ZNF804B: variants seen among roughly 807,000 people sequenced by gnomAD.
ZNF804B encodes zinc finger protein 804B.
Under a neutral mutation model 101.4 loss-of-function variants are expected in ZNF804B, and 80 were observed. That is an observed-to-expected ratio of 0.79 (90% confidence interval 0.66 to 0.95). ZNF804B has a LOEUF of 0.95. Ranked by LOEUF, ZNF804B falls within the 40% of genes least tolerant of loss-of-function variation. The pLI is 0.00. For missense variants in ZNF804B, 1,673 were observed against 1,561.9 expected (o/e 1.07, Z -1.20); for synonymous variants, 622 against 558.8 (o/e 1.11, Z -1.59).
At chr7:88,761,790 T>A (rs2718301) in intron 1 of ZNF804B, among the ~76,000 whole-genome samples, 25,300 of 152,098 alleles carry the variant, frequency 0.17, 2,191 homozygotes, top group African/African-American at 0.23. Context: ...CACGGTTTAG[T>A]TCTATTCAAG....
At chr7:89,178,413 T>C (rs1297882964) in intron 1 of ZNF804B, among the ~76,000 whole-genome samples, 1 of 152,096 alleles carries the variant, frequency 6.6e-6, no homozygotes, top group Non-Finnish European at 1.5e-5. Flanking sequence ...TTTTATTTTT[T>C]GTGTATCTGT....
chr7:88,990,383 C>T (rs1584057561), intron 1 of ZNF804B, among the ~76,000 whole-genome samples: 1 of 152,162 alleles, frequency 6.6e-6, no homozygotes, highest in East Asian at 1.9e-4. Flanking sequence ...CACACACATA[C>T]TTTCTCTCTC....
chr7:89,184,139 G>A (rs1260943774), intron 1 of ZNF804B, among the ~76,000 whole-genome samples: 1 of 152,124 alleles, frequency 6.6e-6, no homozygotes, highest in South Asian at 2.1e-4. Context: ...GCCTACTTGA[G>A]CATTGACACT....
At chr7:89,215,417 A>G (rs896927872) in intron 1 of ZNF804B, among the ~76,000 whole-genome samples, 13 of 152,150 alleles carry the variant, frequency 8.5e-5, no homozygotes, top group Non-Finnish European at 1.8e-4. Flanking sequence ...AATCACCTAC[A>G]TAATCTGAAA....
At chr7:89,232,936 T>A (rs1789218381) in intron 2 of ZNF804B, among the ~76,000 whole-genome samples, 1 of 152,208 alleles carries the variant, frequency 6.6e-6, no homozygotes, top group African/African-American at 2.4e-5. Flanking sequence ...ATTAATTTAT[T>A]TTTGAGATGG....
At chr7:89,122,274 C>T (rs1258730548) in intron 1 of ZNF804B, among the ~76,000 whole-genome samples, 1 of 152,090 alleles carries the variant, frequency 6.6e-6, no homozygotes, top group Non-Finnish European at 1.5e-5. Context: ...GTCACATTAG[C>T]CATGTTTCAC....
chr7:88,891,821 T>G (rs993534255), intron 1 of ZNF804B, among the ~76,000 whole-genome samples: 1 of 152,100 alleles, frequency 6.6e-6, no homozygotes, highest in Admixed American at 6.6e-5. Flanking sequence ...ACATGTGCCA[T>G]GTTGGTGTGC....
intron 1 of ZNF804B, among the ~76,000 whole-genome samples, chr7:88,996,299 T>G (rs1199871545): frequency 6.6e-6 from 1 of 152,136 alleles, no homozygotes; most frequent in Non-Finnish European, 1.5e-5. Flanking sequence ...TATATATTTC[T>G]GCCTAAAATA....
chr7:88,859,977 A>G (rs546536837), intron 1 of ZNF804B, among the ~76,000 whole-genome samples: 11 of 151,946 alleles, frequency 7.2e-5, no homozygotes, highest in South Asian at 2.1e-4. Flanking sequence ...TCAATATTTT[A>G]TAAATATTTT....
intron 1 of ZNF804B, among the ~76,000 whole-genome samples, chr7:89,123,002 G>A (rs1042604955): frequency 9.2e-5 from 14 of 152,022 alleles, no homozygotes; most frequent in African/African-American, 3.1e-4. Flanking sequence ...ATCCCTGACC[G>A]AACCCTATGG....
chr7:88,989,833 C>G (rs1488323582), intron 1 of ZNF804B, among the ~76,000 whole-genome samples: 2 of 151,782 alleles, frequency 1.3e-5, no homozygotes, highest in Non-Finnish European at 2.9e-5. Context: ...ATTGACCTTC[C>G]CTCATTCTTT....
intron 2 of ZNF804B, among the ~76,000 whole-genome samples, chr7:89,324,637 C>T (rs1343453703): frequency 1.8e-4 from 20 of 112,602 alleles, no homozygotes; most frequent in Non-Finnish European, 3.0e-4. Context: ...CATTTTCTTG[C>T]ACTGAGTACA....
intron 1 of ZNF804B, among the ~76,000 whole-genome samples, chr7:88,935,369 TAAAA>T (rs3034324): frequency 7.6e-6 from 1 of 131,216 alleles, no homozygotes. Flanking sequence ...TAAAAGTAAT[TAAAA>T]AAAAAAAAAA....
chr7:89,284,527 C>G (rs1038522441), intron 2 of ZNF804B, among the ~76,000 whole-genome samples: 6 of 151,960 alleles, frequency 3.9e-5, no homozygotes, highest in East Asian at 3.9e-4. Flanking sequence ...GCATAAGGAC[C>G]GCTGTAAAAA....
Position 89,337,450 on chromosome 7 carries a change from A to G in ZNF804B, c.*418A>G, listed in dbSNP as rs1473681599. Among the ~76,000 whole-genome samples, 4 of 152,154 alleles carry G rather than the reference A, an allele frequency of 2.6e-5. No homozygotes were observed. Among genetic ancestry groups the G allele is most frequent in the African/African-American group, 9.7e-5 (4 of 41,448 alleles). On this transcript the variant is annotated 3_prime_UTR_variant, in exon 4 of 4. Transcript: ENST00000333190. ...TGATTTGGCTTATTTGTTAGATAATAAAAGGTCAGTGAAATGAAGCAATTA... is the reference window on the plus strand; with the variant it reads ...TGATTTGGCTTATTTGTTAGATAATGAAAGGTCAGTGAAATGAAGCAATTA...
intron 1 of ZNF804B, among the ~76,000 whole-genome samples, chr7:89,194,917 T>G (rs1361245196): frequency 1.3e-5 from 2 of 152,154 alleles, no homozygotes; most frequent in Admixed American, 1.3e-4. Context: ...ATGGCCATTT[T>G]CATGATATTG....
chr7:89,211,098 G>T (rs1010205854), intron 1 of ZNF804B, among the ~76,000 whole-genome samples: 2 of 152,214 alleles, frequency 1.3e-5, no homozygotes, highest in Non-Finnish European at 2.9e-5. Context: ...GATCAGTGAT[G>T]TTGAGCTTTC....
At chr7:88,922,082 T>C (rs1792727688) in intron 1 of ZNF804B, among the ~76,000 whole-genome samples, 1 of 152,074 alleles carries the variant, frequency 6.6e-6, no homozygotes, top group African/African-American at 2.4e-5. Context: ...ATGGCACAAC[T>C]TCAGGATCAA....
intron 1 of ZNF804B, among the ~76,000 whole-genome samples, chr7:89,040,820 G>A (rs755179723): frequency 1.5e-4 from 23 of 152,136 alleles, no homozygotes; most frequent in Admixed American, 5.2e-4. Context: ...TTATCTGATG[G>A]GGTCTGTGTG....
Sources: allele counts gnomAD v4.1 joint callset (sites outside exome capture counted in the v4.1 genomes callset), GRCh38; gene constraint gnomAD v4.1.1; transcripts MANE v1.5; gene names NCBI Gene and HGNC (gene_info 2026-07-23, HGNC 2026-07-21).